Variants in ANKS1B observed in about 807,000 individuals in gnomAD.
The protein encoded by ANKS1B is ankyrin repeat and sterile alpha motif domain containing 1B.
A neutral mutation model predicts 148.3 loss-of-function variants in ANKS1B; 36 were observed. The observed-to-expected ratio is 0.24, with a 90% CI of 0.19 to 0.32. The LOEUF (loss-of-function observed/expected upper bound fraction) is 0.32. Among genes scored for constraint, ANKS1B ranks in the 10% least tolerant of loss-of-function variants. ANKS1B has a pLI of 1.00. For missense variants in ANKS1B, 1,157 were observed against 1,542.6 expected (o/e 0.75, Z 4.19); for synonymous variants, 542 against 560.8 (o/e 0.97, Z 0.47).
At chr12:99,327,446 ATAT>A (rs1017967822) in intron 12 of ANKS1B, among the ~76,000 whole-genome samples, 71 of 135,086 alleles carry the variant, frequency 5.3e-4, no homozygotes, top group Non-Finnish European at 6.6e-4. Flanking sequence ...TATATATTAT[ATAT>A]TATATTATAA....
At chr12:99,264,117 T>C (rs2153984173) in intron 12 of ANKS1B, among the ~76,000 whole-genome samples, 1 of 152,232 alleles carries the variant, frequency 6.6e-6, no homozygotes, top group African/African-American at 2.4e-5. Context: ...CTTGAAATTA[T>C]AAAAATTTAA....
intron 10 of ANKS1B, among the ~76,000 whole-genome samples, chr12:99,461,856 T>C (rs764434434): frequency 6.6e-6 from 1 of 152,222 alleles, no homozygotes; most frequent in Non-Finnish European, 1.5e-5. Context: ...AACTACTTCA[T>C]ATAGATATTT....
chr12:98,809,075 C>T (rs969512362), intron 19 of ANKS1B, among the ~76,000 whole-genome samples: 15 of 152,230 alleles, frequency 9.9e-5, no homozygotes, highest in Admixed American at 1.3e-4. Context: ...CATCTCCACA[C>T]ACCCCTACAC....
intron 17 of ANKS1B, among the ~76,000 whole-genome samples, chr12:98,898,815 C>T (rs556462444): frequency 6.6e-6 from 1 of 152,270 alleles, no homozygotes; most frequent in East Asian, 1.9e-4. Context: ...AGAAAAAACT[C>T]TTATGGTACC....
intron 10 of ANKS1B, among the ~76,000 whole-genome samples, chr12:99,483,016 A>C (rs974613999): frequency 2.6e-5 from 4 of 151,360 alleles, no homozygotes; most frequent in Non-Finnish European, 5.9e-5. Context: ...TGCTCTGGCT[A>C]GGACTTCCAG....
intron 17 of ANKS1B, among the ~76,000 whole-genome samples, chr12:98,912,533 C>T (rs921146611): frequency 2.6e-5 from 4 of 152,158 alleles, no homozygotes; most frequent in African/African-American, 9.7e-5. Context: ...CTTATCACAC[C>T]ACGTGTCTTG....
At chr12:99,386,526 G>A (rs1344368831) in intron 12 of ANKS1B, among the ~76,000 whole-genome samples, 1 of 151,928 alleles carries the variant, frequency 6.6e-6, no homozygotes, top group Non-Finnish European at 1.5e-5. Context: ...TTTTGACCTC[G>A]TGAAAGAACA....
chr12:99,532,523 G>T (rs2097009584), intron 9 of ANKS1B, among the ~76,000 whole-genome samples: 1 of 152,118 alleles, frequency 6.6e-6, no homozygotes, highest in East Asian at 1.9e-4. Flanking sequence ...ACCCAACCTG[G>T]CTAATTTTTT....
At position 99,246,778 on chromosome 12, in the gene ANKS1B, C is replaced by T. The variant is rs2073920555; in HGVS notation, c.1843G>A (p.Ala615Thr). The T allele has an allele frequency of 1.2e-6, 2 of 1,613,686 alleles. No individual in the cohort carries two copies. Among genetic ancestry groups the T allele is most frequent in the Non-Finnish European group, 1.7e-6 (2 of 1,179,870 alleles). The change falls in exon 13 of 27, where the codon GCC becomes ACC. Residue 615 changes from alanine to threonine, a missense_variant. By Grantham distance (58) the Ala-to-Thr change is moderately conservative (BLOSUM62 0). This residue lies in a region of ANKS1B where 661 missense variants were observed against 642.1 expected (regional missense o/e 1.03). Coordinates refer to ENST00000683438, the MANE Select transcript of ANKS1B (RefSeq NM_001352186.2). ...FAGLLHGSSP[A>T]CESPENPFHL... ...AATGGATTTTCAGGGGACTCACAGG[C>T]TGGAGAGGATCCATGGAGCAGGCCT... is the stretch of plus-strand genomic sequence containing the variant.
intron 17 of ANKS1B, among the ~76,000 whole-genome samples, chr12:98,926,862 C>A (rs571589994): frequency 1.2e-4 from 18 of 151,950 alleles, no homozygotes; most frequent in Non-Finnish European, 1.5e-4. Context: ...AAAACAGTAT[C>A]AAAGACCTGT....
chr12:99,211,372 C>A (rs2083323795), intron 14 of ANKS1B, among the ~76,000 whole-genome samples: 7 of 152,160 alleles, frequency 4.6e-5, no homozygotes, highest in Admixed American at 4.6e-4. Flanking sequence ...CCAGTTTTAG[C>A]TGGCAGGATT....
intron 12 of ANKS1B, among the ~76,000 whole-genome samples, chr12:99,344,408 A>T (rs546386054): frequency 7.7e-4 from 117 of 152,148 alleles, no homozygotes; most frequent in Admixed American, 1.5e-3. Flanking sequence ...TCTCTTAAGA[A>T]TGGATTCTTA....
intron 12 of ANKS1B, among the ~76,000 whole-genome samples, chr12:99,287,144 G>A (rs1187761720): frequency 6.6e-6 from 1 of 152,212 alleles, no homozygotes; most frequent in East Asian, 1.9e-4. Flanking sequence ...CAGTCCCAGT[G>A]ATGGTGACCA....
intron 1 of ANKS1B, among the ~76,000 whole-genome samples, chr12:99,930,534 T>C (rs574089121): frequency 3.3e-5 from 5 of 152,288 alleles, no homozygotes; most frequent in African/African-American, 9.6e-5. Flanking sequence ...TCCAACACTA[T>C]GTTGAACAGG....
chr12:98,791,509 G>A (rs2098852697), intron 22 of ANKS1B, among the ~76,000 whole-genome samples: 1 of 152,098 alleles, frequency 6.6e-6, no homozygotes, highest in Admixed American at 6.6e-5. Context: ...TTGGGAGAGA[G>A]TGAAAGAAAA....
At chr12:99,911,137 T>C (rs1372146413) in intron 1 of ANKS1B, among the ~76,000 whole-genome samples, 1 of 152,200 alleles carries the variant, frequency 6.6e-6, no homozygotes, top group African/African-American at 2.4e-5. Context: ...GTTTTACAGC[T>C]AGTAGTTGGC....
intron 17 of ANKS1B, among the ~76,000 whole-genome samples, chr12:98,936,926 G>A (rs950047920): frequency 1.4e-4 from 22 of 152,210 alleles, no homozygotes; most frequent in African/African-American, 5.1e-4. Flanking sequence ...GTGGAATGCT[G>A]GCCGTGGCCT....
rs1035563444 is a variant in ANKS1B at position 99,605,956 on chromosome 12, T to C, written c.1272+49111A>G. Reference sequence around the variant, plus strand: ...TGCTATTTTACATTCCCATCAACAGTGTATAAGAGTTCCCCTTTCTTCATG... The same window carrying C: ...TGCTATTTTACATTCCCATCAACAGCGTATAAGAGTTCCCCTTTCTTCATG... On this transcript the variant is annotated intron_variant, in intron 9 of 26. Transcript: ENST00000683438. Among the ~76,000 whole-genome samples, 7 of 152,124 alleles carry C rather than the reference T, an allele frequency of 4.6e-5. No individual in the cohort carries two copies. In the South Asian group the frequency reaches 8.3e-4, roughly 18 times the overall value.
chr12:99,368,724 A>C (rs1305290272), intron 12 of ANKS1B, among the ~76,000 whole-genome samples: 1 of 152,182 alleles, frequency 6.6e-6, no homozygotes, highest in African/African-American at 2.4e-5. Context: ...CGGAAAAGAA[A>C]AAAGAATAAG....
Sources: allele counts gnomAD v4.1 joint callset (sites outside exome capture counted in the v4.1 genomes callset), GRCh38; gene constraint gnomAD v4.1.1; regional missense constraint gnomAD v4.1.1; transcripts MANE v1.5; gene names NCBI Gene and HGNC (gene_info 2026-07-23, HGNC 2026-07-21).